Variants in SPTBN4 observed in about 807,000 individuals in gnomAD.
SPTBN4 encodes the protein spectrin beta, non-erythrocytic 4.
A neutral mutation model predicts 277.8 loss-of-function variants in SPTBN4; 96 were observed. That is an observed-to-expected ratio of 0.35 (90% confidence interval 0.29 to 0.41). The LOEUF (loss-of-function observed/expected upper bound fraction) is 0.41, where lower values mean the gene tolerates loss of function less well. SPTBN4 is among the 10% of genes least tolerant of loss of function. The pLI is 1.00. For synonymous variants in SPTBN4, 1,481 were observed against 1,580.3 expected, an observed-to-expected ratio of 0.94 and a Z score of 1.49; for missense variants, 3,006 against 3,595.7, an observed-to-expected ratio of 0.84 and a Z score of 4.19.
Position 40,575,149 on chromosome 19 carries a change from ATAT to A in SPTBN4, c.7537-255_7537-253del, listed in dbSNP as rs542960615. On this transcript the variant is annotated intron_variant, in intron 35 of 35. Coordinates refer to ENST00000598249, the MANE Select transcript of SPTBN4 (RefSeq NM_020971.3). ...ATCAGTGCTCTAGTAGTGCCTGCCC[ATAT>A]TATTATCATTGTTTGTGTCATTTAT... Among the ~76,000 whole-genome samples, 16 of 152,152 alleles carry A rather than the reference ATAT, an allele frequency of 1.1e-4. No homozygotes were observed. The East Asian group carries it at 3.1e-3, about 29-fold the overall frequency.
intron 15 of SPTBN4, among the ~76,000 whole-genome samples, chr19:40,516,538 G>A (rs1274091122): frequency 1.3e-5 from 2 of 152,018 alleles, no homozygotes; most frequent in Non-Finnish European, 2.9e-5. Flanking sequence ...CAACTCCTGG[G>A]CTCGGCTGGG....
intron 4 of SPTBN4, among the ~76,000 whole-genome samples, chr19:40,491,758 C>T (rs376461553): frequency 1.5e-5 from 2 of 137,756 alleles, no homozygotes; most frequent in East Asian, 4.2e-4. Context: ...CTTGGTGGCT[C>T]ATGCCTGTAA....
intron 16 of SPTBN4, among the ~76,000 whole-genome samples, chr19:40,520,734 A>G (rs998025472): frequency 5.9e-5 from 9 of 152,176 alleles, no homozygotes; most frequent in African/African-American, 1.9e-4. Flanking sequence ...TGCAGTGGTT[A>G]TCTGGGGACA....
In SPTBN4 at chr19:40,560,481, C is replaced by T. The variant is rs765676087; in HGVS notation, c.5915+78C>T. 24 of 1,605,632 alleles carry T rather than the reference C, an allele frequency of 1.5e-5. 1 individual carries two copies. The South Asian group carries it at 2.4e-4, about 16-fold the overall frequency. On this transcript the variant is annotated intron_variant, in intron 27 of 35. Transcript: ENST00000598249. The surrounding 1 kb of genome is among the most constrained non-coding windows in gnomAD (Gnocchi z 5.2). ...GCCACCCCCAGCCCATTGACAGCCC[C>T]CTTCTCAATGGAATGACAACAGCCA...
Position 40,467,298 on chromosome 19 carries a change from G to C in SPTBN4, c.-23G>C, listed in dbSNP as rs2079835200. On this transcript the variant is annotated 5_prime_UTR_variant, in exon 1 of 36. Transcript: ENST00000598249. ...CGGAGACAGCGACGCTGGCGGCCGC[G>C]GGCCCAGGTGAGCTGCTAGGGGGGC... 6.6e-6 allele frequency: 1 copy of C among 152,424 alleles called. No homozygotes were observed. Among genetic ancestry groups the C allele is most frequent in the African/African-American group, 2.4e-5 (1 of 41,382 alleles). 9.4% of individuals were successfully genotyped at this position (152,424 alleles called of 1,614,324 possible). A position where few individuals can be genotyped will look rare whatever the true frequency, so the allele number is the denominator to read the frequency against.
intron 35 of SPTBN4, among the ~76,000 whole-genome samples, chr19:40,574,454 C>T (rs1212577365): frequency 6.6e-6 from 1 of 151,636 alleles, no homozygotes. Flanking sequence ...CTCCACTTCC[C>T]GGGTTCAAGC....
intron 30 of SPTBN4, 80 bp downstream of exon 30, chr19:40,566,439 A>G: frequency 7.8e-7 from 1 of 1,278,958 alleles, no homozygotes; most frequent in Non-Finnish European, 1.0e-6. Context: ...AGACAGACAC[A>G]CCGAGACATG....
At chr19:40,539,066 G>A (rs954180353) in intron 20 of SPTBN4, among the ~76,000 whole-genome samples, 1 of 152,162 alleles carries the variant, frequency 6.6e-6, no homozygotes, top group African/African-American at 2.4e-5. Context: ...TCAAGATCCC[G>A]GGCTGAAGCA....
intron 12 of SPTBN4, among the ~76,000 whole-genome samples, chr19:40,504,860 AGAG>A (rs2080307350): frequency 6.7e-6 from 1 of 150,144 alleles, no homozygotes; most frequent in African/African-American, 2.5e-5. Context: ...TCAAAAAAAA[AGAG>A]AGAAATGAAA....
chr19:40,529,484 G>A (rs974912294), intron 18 of SPTBN4, among the ~76,000 whole-genome samples: 2 of 152,192 alleles, frequency 1.3e-5, no homozygotes, highest in African/African-American at 4.8e-5. Context: ...GGGGATAAGG[G>A]CCGAGGGCCG....
At chr19:40,544,736 A>C (rs1180139724) in intron 20 of SPTBN4, among the ~76,000 whole-genome samples, 2 of 152,070 alleles carry the variant, frequency 1.3e-5, no homozygotes, top group African/African-American at 4.8e-5. Context: ...GGCGTGAGCC[A>C]CCGCACCCAG....
chr19:40,572,421 A>G (rs769351969), intron 35 of SPTBN4, 41 bp downstream of exon 35: 3 of 1,612,782 alleles, frequency 1.9e-6, no homozygotes, highest in Non-Finnish European at 2.5e-6. Flanking sequence ...GGACCTCAGT[A>G]ATGACCTGGC....
rs544958261 is a variant in SPTBN4, at chr19:40,502,039, A to T, written c.897+6A>T. On this transcript the variant is annotated splice_donor_region_variant and intron_variant, in intron 8 of 35. Transcript: ENST00000598249. The surrounding 1 kb of genome is among the most constrained non-coding windows in gnomAD (Gnocchi z 4.9). ...AGGGGAAGCGTATCGGGAAGGTATA[A>T]GGAGCCAAGGAGTGGGTGAGTGGGA... 52 of 1,614,144 alleles carry T rather than the reference A, an allele frequency of 3.2e-5. No individual in the cohort carries two copies. The South Asian group carries it at 5.1e-4, about 16-fold the overall frequency.
rs1030837618 is a variant in SPTBN4 at position 40,515,061 on chromosome 19, C to T, written c.2766-250C>T. The stretch of plus-strand genomic sequence containing the variant: ...CAGAGGTTGCAGTGAGCCACAATCG[C>T]GCCACTGCACTCCAGCCTGGGTGAC... On this transcript the variant is annotated intron_variant, in intron 14 of 35. Coordinates refer to ENST00000598249, the MANE Select transcript of SPTBN4 (RefSeq NM_020971.3). This position sits in a 1 kb window ranked among gnomAD's most constrained non-coding sequence, Gnocchi z 4.1. 2.0e-5 allele frequency among the ~76,000 whole-genome samples: 3 copies of T among 152,114 alleles called. No individual in the cohort carries two copies. The highest frequency in any genetic ancestry group is 2.1e-4 in the South Asian group (1 of 4,808).
Position 40,557,498 on chromosome 19 carries a change from T to C in SPTBN4, c.5670+95T>C, listed in dbSNP as rs1048178459. Reference sequence around the variant, plus strand: ...ATCAGGCTGTGGAGCAGGTCGAAATTAGGCAGTGGCACAGACAGAAAGCGG... The same window carrying C: ...ATCAGGCTGTGGAGCAGGTCGAAATCAGGCAGTGGCACAGACAGAAAGCGG... On this transcript the variant is annotated intron_variant, in intron 26 of 35. Coordinates refer to ENST00000598249, the MANE Select transcript of SPTBN4 (RefSeq NM_020971.3). 21 of 1,426,748 alleles carry C rather than the reference T, an allele frequency of 1.5e-5. No homozygotes were observed. The African/African-American group carries it at 3.0e-4, about 20-fold the overall frequency. The allele number at this position is 1,426,748 out of a possible 1,614,324, so 88.4% of individuals were successfully genotyped here. A position where few individuals can be genotyped will look rare whatever the true frequency, so the allele number is the denominator to read the frequency against.
chr19:40,517,261 A>C (rs2080470991), intron 15 of SPTBN4, among the ~76,000 whole-genome samples: 1 of 151,862 alleles, frequency 6.6e-6, no homozygotes. Context: ...TTGAAGATGG[A>C]TATGTTTGAC....
At chr19:40,504,230 A>G in intron 12 of SPTBN4, 98 bp downstream of exon 12, 2 of 1,291,360 alleles carry the variant, frequency 1.5e-6, no homozygotes, top group South Asian at 1.4e-5. Flanking sequence ...TGGAGAGGGA[A>G]GGGCAGAGAT....
intron 20 of SPTBN4, among the ~76,000 whole-genome samples, chr19:40,537,605 C>A (rs1019019953): frequency 6.6e-6 from 1 of 152,192 alleles, no homozygotes; most frequent in Non-Finnish European, 1.5e-5. Flanking sequence ...TCCTCCCCAA[C>A]AGCCCCATGA....
chr19:40,513,545 T>G lies in SPTBN4; in HGVS notation c.2756T>G (p.Val919Gly), dbSNP rs1286352139. 6.3e-7 allele frequency: 1 copy of G among 1,576,290 alleles called. No individual in the cohort carries two copies. Among genetic ancestry groups the G allele is most frequent in the Non-Finnish European group, 8.6e-7 (1 of 1,166,288 alleles). The change falls in exon 14 of 36, where the codon GTG becomes GGG. Residue 919 changes from valine (V) to glycine (G), a missense_variant. Coordinates refer to ENST00000598249, the MANE Select transcript of SPTBN4 (RefSeq NM_020971.3). Reference sequence around the variant, plus strand: ...GATTCACTCGACGACGTCGAGGTGGTGCAGCACCGGTGAGCGCGCACATGT... The same window carrying G: ...GATTCACTCGACGACGTCGAGGTGGGGCAGCACCGGTGAGCGCGCACATGT... ...VPDSLDDVEV[V>G]QHRFESLDQE...
Sources: allele counts gnomAD v4.1 joint callset (sites outside exome capture counted in the v4.1 genomes callset), GRCh38; gene constraint gnomAD v4.1.1; non-coding constraint Gnocchi (gnomAD v3.1); transcripts MANE v1.5; gene names NCBI Gene and HGNC (gene_info 2026-07-23, HGNC 2026-07-21).